The following KIAA1217 variants were observed in gnomAD, a reference collection of about 807,000 sequenced individuals.
KIAA1217 encodes KIAA1217, also known as sickle tail protein homolog.
KIAA1217 carries 88 observed loss-of-function variants against 163.9 expected under a neutral mutation model. The observed-to-expected ratio is 0.54, with a 90% CI of 0.45 to 0.64. The LOEUF (loss-of-function observed/expected upper bound fraction) is 0.64. Ranked by LOEUF, KIAA1217 falls within the 30% of genes least tolerant of loss-of-function variation. The probability of loss-of-function intolerance (pLI) is 0.00; values close to 1 mark genes in which losing one functional copy is unlikely to be tolerated. For synonymous variants in KIAA1217, 903 were observed against 923.1 expected, an observed-to-expected ratio of 0.98 and a Z score of 0.39; for missense variants, 2,372 against 2,475.0, an observed-to-expected ratio of 0.96 and a Z score of 0.88.
chr10:24,266,770 G>T (rs1407746368), intron 2 of KIAA1217, among the ~76,000 whole-genome samples: 1 of 152,192 alleles, frequency 6.6e-6, no homozygotes, highest in Non-Finnish European at 1.5e-5. Context: ...AATCGAATTT[G>T]GGAGGGGACA....
intron 6 of KIAA1217, among the ~76,000 whole-genome samples, chr10:24,475,941 A>C: frequency 6.6e-6 from 1 of 152,126 alleles, no homozygotes. Flanking sequence ...TAGACCAGAA[A>C]ACAATAAAGA....
chr10:24,009,297 C>T (rs1354580623), intron 2 of KIAA1217, among the ~76,000 whole-genome samples: 1 of 151,896 alleles, frequency 6.6e-6, no homozygotes, highest in Non-Finnish European at 1.5e-5. Flanking sequence ...TAATAGAAGG[C>T]AGAACAGAAT....
chr10:23,837,780 A>T (rs1461931258), intron 1 of KIAA1217, among the ~76,000 whole-genome samples: 3 of 151,996 alleles, frequency 2.0e-5, no homozygotes, highest in East Asian at 3.9e-4. Context: ...GGCTCAATTG[A>T]TCCACCCACC....
At chr10:23,982,449 G>A (rs1845805600) in intron 1 of KIAA1217, among the ~76,000 whole-genome samples, 1 of 152,082 alleles carries the variant, frequency 6.6e-6, no homozygotes, top group South Asian at 2.1e-4. Flanking sequence ...AAGCCAGTGT[G>A]AGATTTCCCT....
chr10:23,779,779 A>G lies in KIAA1217; in HGVS notation c.-321+84545A>G, dbSNP rs191266121. Among the ~76,000 whole-genome samples the G allele has an allele frequency of 7.2e-5, 11 of 152,312 alleles. No homozygotes were observed. The East Asian group carries it at 1.9e-3, about 27-fold the overall frequency. On this transcript the variant is annotated intron_variant, in intron 1 of 18. Coordinates refer to the KIAA1217 transcript ENST00000376462. The stretch of plus-strand genomic sequence containing the variant: ...AAAGAAATGGTAAAACACACACACA[A>G]TAACATTTCAGTCAACAATGAACTG...
chr10:23,843,267 A>G (rs1050439974), intron 1 of KIAA1217, among the ~76,000 whole-genome samples: 1 of 152,186 alleles, frequency 6.6e-6, no homozygotes, highest in African/African-American at 2.4e-5. Flanking sequence ...AAACAGTAAT[A>G]TCTTAAGTAA....
chr10:24,447,690 A>G (rs924428639), intron 5 of KIAA1217, among the ~76,000 whole-genome samples: 1 of 152,190 alleles, frequency 6.6e-6, no homozygotes, highest in African/African-American at 2.4e-5. Flanking sequence ...TTAGTGCCTT[A>G]TCTACTAAGA....
intron 2 of KIAA1217, among the ~76,000 whole-genome samples, chr10:24,341,534 CTATT>C (rs1387873209): frequency 6.6e-6 from 1 of 152,196 alleles, no homozygotes; most frequent in Non-Finnish European, 1.5e-5. Context: ...AGTATCTCCT[CTATT>C]TGAGCCCAAC....
Position 24,501,564 on chromosome 10 carries a change from G to C in KIAA1217, c.2001+19G>C, listed in dbSNP as rs375462371. On this transcript the variant is annotated intron_variant, in intron 9 of 20. Coordinates refer to ENST00000376454, the MANE Select transcript of KIAA1217 (RefSeq NM_019590.5). ...GCTCCAGGTATTCCTCATGCACGGCGGCCTCTGTCTCGGTTGCCCTGAGCT... is the reference window on the plus strand; with the variant it reads ...GCTCCAGGTATTCCTCATGCACGGCCGCCTCTGTCTCGGTTGCCCTGAGCT... The C allele has an allele frequency of 1.2e-5, 19 of 1,604,492 alleles. 1 individual carries two copies. The South Asian group carries it at 1.7e-4, about 14-fold the overall frequency.
intron 2 of KIAA1217, among the ~76,000 whole-genome samples, chr10:24,085,904 T>C (rs1370322168): frequency 1.3e-5 from 2 of 151,782 alleles, no homozygotes; most frequent in African/African-American, 2.4e-5. Context: ...GCAGAGGAGG[T>C]TGAGGCTGCG....
intron 1 of KIAA1217, among the ~76,000 whole-genome samples, chr10:23,922,557 G>T (rs1280468898): frequency 6.6e-6 from 1 of 152,144 alleles, no homozygotes; most frequent in African/African-American, 2.4e-5. Flanking sequence ...TGGGGTCTGT[G>T]CTAACTCAGG....
intron 1 of KIAA1217, among the ~76,000 whole-genome samples, chr10:23,842,948 A>G (rs932043886): frequency 6.6e-6 from 1 of 152,186 alleles, no homozygotes; most frequent in African/African-American, 2.4e-5. Context: ...ATTTCTGACA[A>G]AGAACCAAGT....
At chr10:23,913,291 A>G (rs1193504537) in intron 1 of KIAA1217, among the ~76,000 whole-genome samples, 1 of 152,164 alleles carries the variant, frequency 6.6e-6, no homozygotes, top group Non-Finnish European at 1.5e-5. Flanking sequence ...AATCAATCCC[A>G]GAGCACAGAC....
chr10:24,454,122 T>G (rs929149080), intron 5 of KIAA1217, among the ~76,000 whole-genome samples: 1 of 152,242 alleles, frequency 6.6e-6, no homozygotes, highest in Non-Finnish European at 1.5e-5. Flanking sequence ...AAATGAATTC[T>G]AATTCCTCTC....
intron 1 of KIAA1217, among the ~76,000 whole-genome samples, chr10:23,867,372 G>T (rs1259641762): frequency 6.6e-6 from 1 of 151,946 alleles, no homozygotes; most frequent in Non-Finnish European, 1.5e-5. Context: ...ACCCAGTAAT[G>T]GGATGGCTGG....
intron 2 of KIAA1217, among the ~76,000 whole-genome samples, chr10:24,229,848 G>T (rs1251546744): frequency 6.6e-6 from 1 of 152,010 alleles, no homozygotes; most frequent in Non-Finnish European, 1.5e-5. Context: ...GGGAGGAAAG[G>T]ACATAAATTT....
intron 3 of KIAA1217, among the ~76,000 whole-genome samples, chr10:24,410,690 G>A (rs2057686779): frequency 6.6e-6 from 1 of 152,182 alleles, no homozygotes; most frequent in Non-Finnish European, 1.5e-5. Flanking sequence ...TTGAGGAACT[G>A]CAGGTTAATA....
At chr10:23,999,886 C>T (rs1171055936) in intron 1 of KIAA1217, among the ~76,000 whole-genome samples, 2 of 151,970 alleles carry the variant, frequency 1.3e-5, no homozygotes, top group Admixed American at 6.6e-5. Flanking sequence ...ATAGCAAGGC[C>T]CTGTCTCTAC....
At chr10:24,182,329 G>A (rs190394668) in intron 2 of KIAA1217, among the ~76,000 whole-genome samples, 6 of 152,160 alleles carry the variant, frequency 3.9e-5, no homozygotes, top group East Asian at 1.9e-4. Context: ...CCAGCTACGC[G>A]GGAGGCTAAG....
Sources: gnomAD v4.1 joint callset for allele counts (sites outside exome capture counted in the v4.1 genomes callset) on GRCh38, gnomAD v4.1.1 for gene constraint, MANE v1.5 for transcripts, NCBI Gene and HGNC (gene_info 2026-07-23, HGNC 2026-07-21) for gene names.